GATA4: variants seen among roughly 807,000 people sequenced by gnomAD.
The protein encoded by GATA4 is transcription factor GATA-4.
Under a neutral mutation model 37.9 loss-of-function variants are expected in GATA4, and 7 were observed. That is an observed-to-expected ratio of 0.18 (90% CI 0.11 to 0.35). The LOEUF (loss-of-function observed/expected upper bound fraction) is 0.35, where lower values mean the gene tolerates loss of function less well. GATA4 is among the 10% of genes least tolerant of loss of function. The probability of loss-of-function intolerance (pLI) is 1.00; values close to 1 mark genes in which losing one functional copy is unlikely to be tolerated. For synonymous variants in GATA4, 372 were observed against 292.6 expected (o/e 1.27, Z -2.77); for missense variants, 647 against 653.0 (o/e 0.99, Z 0.10).
rs548687739 is a variant in GATA4, at chr8:11,742,427, C to A, written c.617-6489C>A. 9.3e-5 allele frequency among the ~76,000 whole-genome samples: 13 copies of A among 139,960 alleles called. No individual in the cohort carries two copies. In the South Asian group the frequency reaches 2.9e-3, roughly 32 times the overall value. 91.8% of individuals were successfully genotyped at this position (139,960 alleles called of 152,430 possible). A position where few individuals can be genotyped will look rare whatever the true frequency, so the allele number is the denominator to read the frequency against. The stretch of plus-strand genomic sequence containing the variant: ...CCCTTTCCCTTTCACAATGTCCTTG[C>A]CTGTTTGTGATTTAGGAAAAACAAA... On this transcript the variant is annotated intron_variant, in intron 2 of 6. Coordinates refer to ENST00000532059, the MANE Select transcript of GATA4 (RefSeq NM_001308093.3).
intron 2 of GATA4, among the ~76,000 whole-genome samples, chr8:11,741,382 G>A (rs997825851): frequency 6.6e-6 from 1 of 152,120 alleles, no homozygotes; most frequent in Non-Finnish European, 1.5e-5. Flanking sequence ...AGGAGGTTCA[G>A]GCAGGAGGAT....
At chr8:11,747,314 G>A (rs1802081731) in intron 2 of GATA4, among the ~76,000 whole-genome samples, 1 of 152,222 alleles carries the variant, frequency 6.6e-6, no homozygotes, top group African/African-American at 2.4e-5. Flanking sequence ...CGAGGGTGAG[G>A]AGAATGGACA....
rs1475855461 is a variant in GATA4, at chr8:11,709,502, G to A, written c.616+574G>A. 1.3e-5 allele frequency among the ~76,000 whole-genome samples: 2 copies of A among 151,260 alleles called. No individual in the cohort carries two copies. The highest frequency in any genetic ancestry group is 2.4e-5 in the African/African-American group (1 of 41,250). On this transcript the variant is annotated intron_variant, in intron 2 of 6. Transcript: ENST00000532059. This position sits in a 1 kb window ranked among gnomAD's most constrained non-coding sequence, Gnocchi z 4.3. ...AGGGATGGACAAAGGAGACGCCGGG[G>A]AGATGCGCGGAACAGGAGCCGGCAC...
intron 4 of GATA4, 106 bp downstream of exon 4, chr8:11,750,342 A>G: frequency 6.7e-7 from 1 of 1,485,952 alleles, no homozygotes; most frequent in Non-Finnish European, 9.2e-7. Flanking sequence ...CCTTCTTAAC[A>G]AAGAGACTTA....
At chr8:11,698,553 A>ACTC (rs1362091048) in intron 1 of GATA4, among the ~76,000 whole-genome samples, 2 of 146,746 alleles carry the variant, frequency 1.4e-5, no homozygotes, top group Non-Finnish European at 3.0e-5. Flanking sequence ...CTCCTCCTCC[A>ACTC]CTCCTCACCC....
Position 11,758,499 on chromosome 8 carries a change from T to C in GATA4, c.*24T>C. ...AATCTTCCCTCTTCCCTCCTCAAAT[T>C]CCTGCACGGACCTGGGACTTGGAGG... On this transcript the variant is annotated 3_prime_UTR_variant, in exon 7 of 7. Coordinates refer to ENST00000532059, the MANE Select transcript of GATA4 (RefSeq NM_001308093.3). The C allele has an allele frequency of 6.2e-7, 1 of 1,612,964 alleles. No individual in the cohort carries two copies. Among genetic ancestry groups the C allele is most frequent in the Non-Finnish European group, 8.5e-7 (1 of 1,179,058 alleles).
chr8:11,692,326 C>G (rs1346128336), upstream of GATA4, among the ~76,000 whole-genome samples: 1 of 152,234 alleles, frequency 6.6e-6, no homozygotes, highest in Non-Finnish European at 1.5e-5. Flanking sequence ...TAAAAGAACA[C>G]TTGCTCCATG....
At chr8:11,727,355 G>T (rs1213641161) in intron 2 of GATA4, among the ~76,000 whole-genome samples, 1 of 152,186 alleles carries the variant, frequency 6.6e-6, no homozygotes, top group Non-Finnish European at 1.5e-5. Context: ...GCTGGGAAGG[G>T]GGGAGAGCTG....
At position 11,708,124 on chromosome 8, in the gene GATA4, C is replaced by T. The variant is rs1799976629; in HGVS notation, c.-189C>T. ...TCCGGAGTAAACAAGAGCCTAGAGCCCTTTGCTCAATGCTGGATTTAATAC... is the reference window on the plus strand; with the variant it reads ...TCCGGAGTAAACAAGAGCCTAGAGCTCTTTGCTCAATGCTGGATTTAATAC... On this transcript the variant is annotated 5_prime_UTR_variant, in exon 2 of 7. Coordinates refer to ENST00000532059, the MANE Select transcript of GATA4 (RefSeq NM_001308093.3). The surrounding 1 kb of genome is among the most constrained non-coding windows in gnomAD (Gnocchi z 6.7). 2 of 722,710 alleles carry T rather than the reference C, an allele frequency of 2.8e-6. No homozygotes were observed. Among genetic ancestry groups the T allele is most frequent in the African/African-American group, 3.5e-5 (2 of 57,108 alleles). 44.8% of individuals were successfully genotyped at this position (722,710 alleles called of 1,614,324 possible).
intron 2 of GATA4, among the ~76,000 whole-genome samples, chr8:11,747,361 T>C (rs138229122): frequency 1.3e-5 from 2 of 152,222 alleles, no homozygotes; most frequent in Non-Finnish European, 2.9e-5. Flanking sequence ...TCTGTAGACA[T>C]GGATGATAAA....
chr8:11,695,596 G>T (rs979667601), intron 1 of GATA4, among the ~76,000 whole-genome samples: 26 of 152,128 alleles, frequency 1.7e-4, no homozygotes, highest in Non-Finnish European at 1.0e-4. Flanking sequence ...TGCCTCAGGG[G>T]AACACCTGGA....
chr8:11,756,405 C>CG, intron 5 of GATA4: 1 of 192,924 alleles, frequency 5.2e-6, no homozygotes, highest in South Asian at 9.4e-5. Context: ...TATTTCCTCT[C>CG]ACGTAGCAAT....
chr8:11,757,490 C>T (rs971794279), intron 6 of GATA4, among the ~76,000 whole-genome samples: 3 of 152,196 alleles, frequency 2.0e-5, no homozygotes, highest in Non-Finnish European at 2.9e-5. Flanking sequence ...GGCGTGGTTG[C>T]GCTGTCGGAG....
chr8:11,710,024 T>C (rs796359873), intron 2 of GATA4, among the ~76,000 whole-genome samples: 6 of 152,272 alleles, frequency 3.9e-5, no homozygotes, highest in African/African-American at 1.4e-4. Flanking sequence ...GCTAAATCCT[T>C]CTGCATTTGT....
At chr8:11,685,675 G>A (rs1799112444) in intron 1 of GATA4, among the ~76,000 whole-genome samples, 1 of 152,204 alleles carries the variant, frequency 6.6e-6, no homozygotes, top group Non-Finnish European at 1.5e-5. Flanking sequence ...TTTAGAAAAT[G>A]TTTTCAGGTC....
At chr8:11,743,132 G>C (rs1049659718) in intron 2 of GATA4, among the ~76,000 whole-genome samples, 2 of 152,246 alleles carry the variant, frequency 1.3e-5, no homozygotes, top group Non-Finnish European at 2.9e-5. Flanking sequence ...TCTGAAGCTG[G>C]AGGTGGTGGG....
intron 2 of GATA4, among the ~76,000 whole-genome samples, chr8:11,721,371 T>C (rs1443489589): frequency 2.0e-5 from 3 of 146,624 alleles, no homozygotes; most frequent in Non-Finnish European, 4.5e-5. Flanking sequence ...AAGCACGGCG[T>C]TGAGGGATGT....
At position 11,707,827 on chromosome 8, in the gene GATA4, C is replaced by T. The variant is rs1799962202; in HGVS notation, c.-457-29C>T. On this transcript the variant is annotated intron_variant, in intron 1 of 6. Transcript: ENST00000532059. The surrounding 1 kb of genome is among the most constrained non-coding windows in gnomAD (Gnocchi z 4.7). ...TTCTGAAAGCTCTGGGATGAACCAC[C>T]CTCTCTCTTTCTGTCGTTCCTCTTT... The T allele has an allele frequency of 4.6e-6, 1 of 219,284 alleles. No individual in the cohort carries two copies. The highest frequency in any genetic ancestry group is 5.6e-5 in the South Asian group (1 of 17,750). The allele number at this position is 219,284 out of a possible 1,614,324, so 13.6% of individuals were successfully genotyped here. A position where few individuals can be genotyped will look rare whatever the true frequency, so the allele number is the denominator to read the frequency against.
rs1799970106 is a variant in GATA4, at chr8:11,707,984, G to C, written c.-329G>C. 2.6e-6 allele frequency: 1 copy of C among 385,946 alleles called. No individual in the cohort carries two copies. Among genetic ancestry groups the C allele is most frequent in the Non-Finnish European group, 4.9e-6 (1 of 202,930 alleles). The allele number at this position is 385,946 out of a possible 1,614,324, so 23.9% of individuals were successfully genotyped here. ...GGCTCGTGCGCCACCTCCAGGCCTG[G>C]ACGCTGCCCTCCGTCTTCTGCCCCC... On this transcript the variant is annotated 5_prime_UTR_variant, in exon 2 of 7. Coordinates refer to ENST00000532059, the MANE Select transcript of GATA4 (RefSeq NM_001308093.3). The surrounding 1 kb of genome is among the most constrained non-coding windows in gnomAD (Gnocchi z 4.7).
Sources: gnomAD v4.1 joint callset for allele counts (sites outside exome capture counted in the v4.1 genomes callset) on GRCh38, gnomAD v4.1.1 for gene constraint, Gnocchi (gnomAD v3.1) non-coding constraint, MANE v1.5 for transcripts, NCBI Gene and HGNC (gene_info 2026-07-23, HGNC 2026-07-21) for gene names.